MC2R: variants seen among roughly 807,000 people sequenced by gnomAD.
MC2R encodes the protein adrenocorticotropic hormone receptor.
In MC2R, 9 loss-of-function variants were observed where a neutral mutation model predicts 9.8. That is an observed-to-expected ratio of 0.92 (90% confidence interval 0.55 to 1.60). The LOEUF is 1.60. MC2R is among the 40% of genes most tolerant of loss of function. MC2R has a pLI of 0.00. For synonymous variants in MC2R, 185 were observed against 154.7 expected (o/e 1.20, Z -1.45); for missense variants, 370 against 389.0 (o/e 0.95, Z 0.41).
In MC2R at chr18:13,884,432, G is replaced by T. The variant is rs1037532009; in HGVS notation, c.*193C>A. ...ATCGTTTTATCTGTCCAGTCACAAA[G>T]TTAAGAGGTTGCCCCTACAATAAGA... On this transcript the variant is annotated 3_prime_UTR_variant, in exon 2 of 2. Coordinates refer to ENST00000327606, the MANE Select transcript of MC2R (RefSeq NM_000529.2). The T allele has an allele frequency of 6.1e-6, 4 of 656,228 alleles. No homozygotes were observed. The highest frequency in any genetic ancestry group is 8.2e-6 in the Non-Finnish European group (3 of 367,070). The allele number at this position is 656,228 out of a possible 1,614,324, so 40.7% of individuals were successfully genotyped here.
chr18:13,884,743 TG>T lies in MC2R; in HGVS notation c.775del (p.Gln259ArgfsTer2). On this transcript the variant is annotated frameshift_variant, in exon 2 of 2. Transcript: ENST00000327606. LOFTEE classifies it high-confidence loss of function. ...GCACATGATCAACATGCCGTTCACC[TG>T]GAAGAGAGACATGTAGCAGGCGCAG... Reference protein sequence around the residue: ...PYCACYMSLFQVNGMLIMCNA... With the variant: ...PYCACYMSLFXVNGMLIMCNA... 1 of 1,614,044 alleles carries T rather than the reference TG, an allele frequency of 6.2e-7. No individual in the cohort carries two copies. The highest frequency in any genetic ancestry group is 8.5e-7 in the Non-Finnish European group (1 of 1,180,004).
intron 1 of MC2R, among the ~76,000 whole-genome samples, chr18:13,907,935 G>A (rs914722122): frequency 2.6e-5 from 4 of 152,098 alleles, no homozygotes; most frequent in South Asian, 2.1e-4. Context: ...TTGGTGGGAA[G>A]GTCAACTACT....
At chr18:13,910,768 T>C (rs1269235108) in intron 1 of MC2R, among the ~76,000 whole-genome samples, 1 of 152,194 alleles carries the variant, frequency 6.6e-6, no homozygotes, top group Non-Finnish European at 1.5e-5. Context: ...ACCAGGCATC[T>C]GGAGGATAGA....
chr18:13,912,666 G>GT (rs1389305921), intron 1 of MC2R, among the ~76,000 whole-genome samples: 1 of 152,214 alleles, frequency 6.6e-6, no homozygotes, highest in Non-Finnish European at 1.5e-5. Context: ...TTTCTACGTT[G>GT]TTTTCTGCTC....
chr18:13,893,302 G>A (rs1374194070), intron 1 of MC2R, among the ~76,000 whole-genome samples: 1 of 152,206 alleles, frequency 6.6e-6, no homozygotes, highest in African/African-American at 2.4e-5. Flanking sequence ...TAATATGGAA[G>A]AGTATGAGTA....
chr18:13,902,671 G>T (rs955875664), intron 1 of MC2R, among the ~76,000 whole-genome samples: 1 of 152,084 alleles, frequency 6.6e-6, no homozygotes, highest in Non-Finnish European at 1.5e-5. Flanking sequence ...CCCATCTCAT[G>T]CCATACACAA....
chr18:13,913,697 C>T (rs2045460012), intron 1 of MC2R, among the ~76,000 whole-genome samples: 1 of 152,202 alleles, frequency 6.6e-6, no homozygotes, highest in Non-Finnish European at 1.5e-5. Flanking sequence ...CACGTCCTTC[C>T]TCACTTCTCA....
At chr18:13,885,912 G>A (rs1213293814) in intron 1 of MC2R, among the ~76,000 whole-genome samples, 10 of 152,250 alleles carry the variant, frequency 6.6e-5, no homozygotes, top group Non-Finnish European at 2.9e-5. Flanking sequence ...AAAAGAATAA[G>A]GTCATGTCTT....
intron 1 of MC2R, among the ~76,000 whole-genome samples, chr18:13,912,855 A>G (rs1157038500): frequency 1.3e-5 from 2 of 152,132 alleles, no homozygotes; most frequent in East Asian, 3.9e-4. Flanking sequence ...TCCAGCGCAC[A>G]TCTTGTTTTG....
intron 1 of MC2R, among the ~76,000 whole-genome samples, chr18:13,886,571 G>C (rs2045277472): frequency 6.6e-6 from 1 of 152,208 alleles, no homozygotes. Context: ...CTGGGTCACT[G>C]CCTGACCCCA....
At chr18:13,911,467 T>C (rs1364374685) in intron 1 of MC2R, among the ~76,000 whole-genome samples, 1 of 152,208 alleles carries the variant, frequency 6.6e-6, no homozygotes, top group Non-Finnish European at 1.5e-5. Context: ...AGGATGTCAG[T>C]AAAGATCTGC....
intron 1 of MC2R, among the ~76,000 whole-genome samples, chr18:13,913,059 T>C (rs2045454509): frequency 6.6e-6 from 1 of 152,160 alleles, no homozygotes; most frequent in Admixed American, 6.5e-5. Flanking sequence ...TCTTTTTTAA[T>C]ATACACAAGA....
Position 13,889,834 on chromosome 18 carries a change from C to A in MC2R, c.-128-4188G>T, listed in dbSNP as rs151281017. Among the ~76,000 whole-genome samples, 417 of 152,198 alleles carry A rather than the reference C, an allele frequency of 2.7e-3. 1 individual carries two copies. The highest frequency in any genetic ancestry group is 9.7e-3 in the African/African-American group (404 of 41,520). ...GGTCTCATTTTAATCCTCTTGTTGA[C>A]AATACAAGGGAGTCCTATTCTCTCT... On this transcript the variant is annotated intron_variant, in intron 1 of 1. Transcript: ENST00000327606.
chr18:13,905,933 G>A (rs1367874497), intron 1 of MC2R, among the ~76,000 whole-genome samples: 1 of 152,138 alleles, frequency 6.6e-6, no homozygotes, highest in Non-Finnish European at 1.5e-5. Context: ...ACGCACACCT[G>A]TAGTCCCAGC....
chr18:13,886,917 T>G (rs895235446), intron 1 of MC2R, among the ~76,000 whole-genome samples: 8 of 152,140 alleles, frequency 5.3e-5, no homozygotes, highest in Admixed American at 2.0e-4. Context: ...AGGTCAAGTG[T>G]TCAGAAGGAG....
Position 13,912,857 on chromosome 18 carries a change from C to A in MC2R, c.-129+2631G>T, listed in dbSNP as rs180991051. On this transcript the variant is annotated intron_variant, in intron 1 of 1. Transcript: ENST00000327606. ...TGGCTCATCTGAATCCAGCGCACAT[C>A]TTGTTTTGAATTCCGCATAGGCTCA... Among the ~76,000 whole-genome samples the A allele has an allele frequency of 2.6e-4, 39 of 152,234 alleles. 1 individual carries two copies. Among genetic ancestry groups the A allele is most frequent in the Admixed American group, 2.2e-3 (33 of 15,300 alleles).
intron 1 of MC2R, 45 bp downstream of exon 1, chr18:13,915,443 C>G (rs4519394): frequency 0.12 from 19,007 of 152,584 alleles, 2,861 homozygotes; most frequent in African/African-American, 0.36. Flanking sequence ...ATTCATGGTC[C>G]AAAAGCACTT....
At chr18:13,901,702 C>T (rs2045381086) in intron 1 of MC2R, among the ~76,000 whole-genome samples, 1 of 152,042 alleles carries the variant, frequency 6.6e-6, no homozygotes, top group African/African-American at 2.4e-5. Context: ...AAAACCTGAA[C>T]AGACCAATAA....
intron 1 of MC2R, among the ~76,000 whole-genome samples, chr18:13,894,058 T>C (rs1223808114): frequency 6.6e-6 from 1 of 152,174 alleles, no homozygotes; most frequent in Non-Finnish European, 1.5e-5. Flanking sequence ...CTCATCTTTC[T>C]CCTTAAAAAG....
Sources: gnomAD v4.1 joint callset for allele counts (sites outside exome capture counted in the v4.1 genomes callset) on GRCh38, gnomAD v4.1.1 for gene constraint, MANE v1.5 for transcripts, NCBI Gene and HGNC (gene_info 2026-07-23, HGNC 2026-07-21) for gene names.